Variants in ZNF169 observed in about 807,000 individuals in gnomAD.
ZNF169 encodes zinc finger protein 169.
In ZNF169, 11 loss-of-function variants were observed where a neutral mutation model predicts 12.0. That is an observed-to-expected ratio of 0.92 (90% confidence interval 0.58 to 1.52). The LOEUF (loss-of-function observed/expected upper bound fraction) is 1.52, where lower values mean the gene tolerates loss of function less well. ZNF169 is among the 40% of genes most tolerant of loss of function. The probability of loss-of-function intolerance (pLI) is 0.00; values close to 1 mark genes in which losing one functional copy is unlikely to be tolerated. For missense variants in ZNF169, 722 were observed against 744.0 expected (o/e 0.97, Z 0.34); for synonymous variants, 302 against 286.5 (o/e 1.05, Z -0.55).
chr9:94,271,457 C>G (rs1830419700), intron 1 of ZNF169, among the ~76,000 whole-genome samples: 1 of 152,062 alleles, frequency 6.6e-6, no homozygotes, highest in African/African-American at 2.4e-5. Context: ...CTCAGTGGCT[C>G]ACGCCTGTAA....
Position 94,292,326 on chromosome 9 carries a change from G to A in ZNF169, c.34-15G>A. 1 of 1,614,080 alleles carries A rather than the reference G, an allele frequency of 6.2e-7. No homozygotes were observed. Among genetic ancestry groups the A allele is most frequent in the Non-Finnish European group, 8.5e-7 (1 of 1,180,028 alleles). ...GGCTGGCTGTTGAGTGAGCAGGGATGTGTTTGTGTTACAGGCATTGATGGC... is the reference window on the plus strand; with the variant it reads ...GGCTGGCTGTTGAGTGAGCAGGGATATGTTTGTGTTACAGGCATTGATGGC... On this transcript the variant is annotated splice_polypyrimidine_tract_variant and intron_variant, in intron 2 of 4. Transcript: ENST00000395395.
intron 1 of ZNF169, among the ~76,000 whole-genome samples, chr9:94,271,049 A>AAT (rs138459565): frequency 9.1e-6 from 1 of 109,390 alleles, no homozygotes; most frequent in Admixed American, 1.4e-4. Context: ...TATATATATA[A>AAT]ATATATATAT....
intron 2 of ZNF169, among the ~76,000 whole-genome samples, chr9:94,290,918 CA>C (rs1830815851): frequency 6.6e-6 from 1 of 151,856 alleles, no homozygotes; most frequent in Non-Finnish European, 1.5e-5. Context: ...CCATACCCCA[CA>C]AAAATATGTT....
At position 94,301,751 on chromosome 9, in the gene ZNF169, G is replaced by T. The variant is rs1831082634; in HGVS notation, c.*381G>T. On this transcript the variant is annotated 3_prime_UTR_variant, in exon 5 of 5. Coordinates refer to ENST00000395395, the MANE Select transcript of ZNF169 (RefSeq NM_194320.4). ...CTGGTGTGGCTTCCTCCTCTTCTAGGGACACCAGTCATTTTGGATAGAGCC... is the reference window on the plus strand; with the variant it reads ...CTGGTGTGGCTTCCTCCTCTTCTAGTGACACCAGTCATTTTGGATAGAGCC... Among the ~76,000 whole-genome samples the T allele has an allele frequency of 6.6e-6, 1 of 151,998 alleles. No homozygotes were observed. The highest frequency in any genetic ancestry group is 2.4e-5 in the African/African-American group (1 of 41,378).
At chr9:94,287,659 C>T (rs1473873148) in intron 2 of ZNF169, 17 of 888,934 alleles carry the variant, frequency 1.9e-5, no homozygotes, top group African/African-American at 1.5e-4. Context: ...CCACTGTGCC[C>T]GGCCAAAAAT....
intron 1 of ZNF169, among the ~76,000 whole-genome samples, chr9:94,271,623 G>A (rs192690101): frequency 6.6e-6 from 1 of 151,104 alleles, no homozygotes; most frequent in African/African-American, 2.4e-5. Context: ...GGGAGGCTGA[G>A]GTGGGAGAAT....
intron 2 of ZNF169, among the ~76,000 whole-genome samples, chr9:94,280,845 C>T (rs564099502): frequency 1.3e-5 from 2 of 152,086 alleles, no homozygotes; most frequent in African/African-American, 4.8e-5. Flanking sequence ...ATGATTCAGG[C>T]CAGAGCAGGT....
intron 1 of ZNF169, among the ~76,000 whole-genome samples, chr9:94,263,541 C>G (rs796936089): frequency 2.8e-5 from 4 of 143,742 alleles, no homozygotes; most frequent in African/African-American, 7.8e-5. Flanking sequence ...TTAATCTATT[C>G]TGATAATCTG....
At chr9:94,299,084 CAG>C (rs1200118056) in intron 4 of ZNF169, among the ~76,000 whole-genome samples, 3 of 152,160 alleles carry the variant, frequency 2.0e-5, no homozygotes, top group African/African-American at 4.8e-5. Flanking sequence ...TTGAGCAAAA[CAG>C]TGTACGTAGT....
intron 4 of ZNF169, chr9:94,295,598 C>T (rs1830933945): frequency 6.6e-6 from 1 of 152,184 alleles, no homozygotes; most frequent in African/African-American, 2.4e-5. Context: ...CACTGATCAG[C>T]TTTCTATAAT....
At chr9:94,285,333 G>T (rs905418440) in intron 2 of ZNF169, among the ~76,000 whole-genome samples, 10 of 152,182 alleles carry the variant, frequency 6.6e-5, no homozygotes, top group Middle Eastern at 3.2e-3. Context: ...ACAAAGAAAT[G>T]AGTGAACTAG....
rs182353177 is a variant in ZNF169, at chr9:94,279,370, G to A, written c.33+525G>A. On this transcript the variant is annotated intron_variant, in intron 2 of 4. Coordinates refer to ENST00000395395, the MANE Select transcript of ZNF169 (RefSeq NM_194320.4). ...CGCGCCACTGCACTCCAGCCTGGGC[G>A]ATAGAGTGAGACTCCATCTCAAAAA... Among the ~76,000 whole-genome samples, 40 of 151,816 alleles carry A rather than the reference G, an allele frequency of 2.6e-4. No homozygotes were observed. In the East Asian group the frequency reaches 6.0e-3, roughly 23 times the overall value.
At position 94,299,876 on chromosome 9, in the gene ZNF169, C is replaced by T; in HGVS notation, c.318C>T (p.Leu106=). 1 of 1,614,148 alleles carries T rather than the reference C, an allele frequency of 6.2e-7. No individual in the cohort carries two copies. Among genetic ancestry groups the T allele is most frequent in the East Asian group, 2.2e-5 (1 of 44,880 alleles). ...TGGTGGCCTTTTCTAGCTCGCAGCT[C>T]CTCAGACAATATGCGCTAAGTGGCC... ...PHLVAFSSSQ[L]LRQYALSGHP... The change falls in exon 5 of 5, where the codon CTC becomes CTT. Residue 106 remains leucine (L), a synonymous_variant. Transcript: ENST00000395395.
chr9:94,287,524 C>T (rs1830739427), intron 2 of ZNF169, among the ~76,000 whole-genome samples: 1 of 152,156 alleles, frequency 6.6e-6, no homozygotes, highest in African/African-American at 2.4e-5. Context: ...GCCACCACAC[C>T]TGGCTAACTT....
intron 1 of ZNF169, among the ~76,000 whole-genome samples, chr9:94,263,176 A>G (rs1830234876): frequency 6.6e-6 from 1 of 152,128 alleles, no homozygotes. Context: ...TGTTGTGGCA[A>G]GGTGTTAATT....
At chr9:94,270,769 G>T (rs13287078) in intron 1 of ZNF169, among the ~76,000 whole-genome samples, 21 of 53,116 alleles carry the variant, frequency 4.0e-4, no homozygotes, top group Admixed American at 7.1e-4. Context: ...AAATATATAT[G>T]TTATATATTA....
At chr9:94,269,175 G>C (rs62578820) in intron 1 of ZNF169, among the ~76,000 whole-genome samples, 70,800 of 151,850 alleles carry the variant, frequency 0.47, 16,638 homozygotes, top group Admixed American at 0.54. Flanking sequence ...GATACACAAA[G>C]AAGTGGAGAC....
chr9:94,279,862 A>T (rs974743736), intron 2 of ZNF169, among the ~76,000 whole-genome samples: 1 of 152,188 alleles, frequency 6.6e-6, no homozygotes, highest in Non-Finnish European at 1.5e-5. Context: ...AGTTTTCTGT[A>T]CTTAAAAATT....
chr9:94,275,336 G>A (rs1830500584), intron 1 of ZNF169, among the ~76,000 whole-genome samples: 1 of 152,162 alleles, frequency 6.6e-6, no homozygotes, highest in South Asian at 2.1e-4. Context: ...TTGTAAGTTG[G>A]GGACTGTAGT....
Sources: gnomAD v4.1 joint callset for allele counts (sites outside exome capture counted in the v4.1 genomes callset) on GRCh38, gnomAD v4.1.1 for gene constraint, MANE v1.5 for transcripts, NCBI Gene and HGNC (gene_info 2026-07-23, HGNC 2026-07-21) for gene names.